Variants in PAK5 observed in about 807,000 individuals in gnomAD.
PAK5 encodes p21 (RAC1) activated kinase 5.
Under a neutral mutation model 65.9 loss-of-function variants are expected in PAK5, and 16 were observed. The observed-to-expected ratio is 0.24, with a 90% CI of 0.16 to 0.37. The LOEUF is 0.37. Among genes scored for constraint, PAK5 ranks in the 10% least tolerant of loss-of-function variants. The pLI, the probability that PAK5 is intolerant of heterozygous loss-of-function variation, is 1.00. For missense variants in PAK5, 785 were observed against 903.9 expected, an observed-to-expected ratio of 0.87 and a Z score of 1.69; for synonymous variants, 371 against 354.9, an observed-to-expected ratio of 1.05 and a Z score of -0.51.
intron 1 of PAK5, among the ~76,000 whole-genome samples, chr20:9,798,650 T>A (rs958269694): frequency 3.3e-5 from 5 of 152,090 alleles, no homozygotes; most frequent in Admixed American, 2.0e-4. Flanking sequence ...TTGCAGACAA[T>A]GGAAAAAGTA....
At chr20:9,817,059 A>T (rs1230698838) in intron 1 of PAK5, among the ~76,000 whole-genome samples, 2 of 152,282 alleles carry the variant, frequency 1.3e-5, no homozygotes, top group East Asian at 1.9e-4. Context: ...AGGCAGGAGG[A>T]TCACTTGAGC....
chr20:9,681,091 A>T (rs2123402545), intron 2 of PAK5, among the ~76,000 whole-genome samples: 1 of 152,304 alleles, frequency 6.6e-6, no homozygotes, highest in African/African-American at 2.4e-5. Context: ...AGATATTAAG[A>T]ATCGTTATAT....
chr20:9,631,378 A>AC (rs1171044855), intron 3 of PAK5, among the ~76,000 whole-genome samples: 26 of 152,314 alleles, frequency 1.7e-4, no homozygotes, highest in Middle Eastern at 3.4e-3. Flanking sequence ...CTGATGGGAT[A>AC]TCACTTCTGT....
Position 9,837,254 on chromosome 20 carries a change from T to C in PAK5, c.-162+1508A>G, listed in dbSNP as rs562817541. On this transcript the variant is annotated intron_variant, in intron 1 of 9. Transcript: ENST00000353224. ...CACATATGTATTCCAAGTCAAGGTA[T>C]TATCAGATTGGACATTTATGGCTTT... Among the ~76,000 whole-genome samples, 3 of 152,346 alleles carry C rather than the reference T, an allele frequency of 2.0e-5. No homozygotes were observed. The East Asian group carries it at 5.8e-4, about 29-fold the overall frequency.
intron 1 of PAK5, among the ~76,000 whole-genome samples, chr20:9,791,592 G>C (rs974508911): frequency 6.6e-6 from 1 of 152,096 alleles, no homozygotes. Flanking sequence ...CATCAGGCTG[G>C]ATTTGGACCT....
At chr20:9,751,286 T>C (rs1194113880) in intron 1 of PAK5, among the ~76,000 whole-genome samples, 1 of 152,124 alleles carries the variant, frequency 6.6e-6, no homozygotes, top group Non-Finnish European at 1.5e-5. Flanking sequence ...CTTTGCAATA[T>C]TCAAATTCCT....
chr20:9,738,862 G>A (rs1004157716), intron 1 of PAK5, among the ~76,000 whole-genome samples: 2 of 148,988 alleles, frequency 1.3e-5, no homozygotes, highest in African/African-American at 4.9e-5. Context: ...ATGCAATAAT[G>A]CTGTTCATTT....
chr20:9,542,417 A>G (rs192460322), intron 9 of PAK5, among the ~76,000 whole-genome samples, 169 bp downstream of exon 9: 2 of 152,372 alleles, frequency 1.3e-5, no homozygotes, highest in African/African-American at 4.8e-5. Flanking sequence ...TCACTTGCCC[A>G]GTAAACGAAT....
At chr20:9,828,528 G>GTGTGAATT (rs1291441066) in intron 1 of PAK5, among the ~76,000 whole-genome samples, 2 of 152,230 alleles carry the variant, frequency 1.3e-5, no homozygotes, top group East Asian at 3.9e-4. Flanking sequence ...AACAAATAAA[G>GTGTGAATT]TGTGAATTTT....
chr20:9,820,330 C>T (rs2049404945), intron 1 of PAK5, among the ~76,000 whole-genome samples: 1 of 152,260 alleles, frequency 6.6e-6, no homozygotes, highest in African/African-American at 2.4e-5. Flanking sequence ...CCCCTATATG[C>T]AGAAGGCCTC....
At position 9,596,424 on chromosome 20, in the gene PAK5, C is replaced by T. The variant is rs576348438; in HGVS notation, c.205-15494G>A. Among the ~76,000 whole-genome samples, 43 of 152,166 alleles carry T rather than the reference C, an allele frequency of 2.8e-4. 2 individuals are homozygous for T. The South Asian group carries it at 6.0e-3, about 21-fold the overall frequency. ...GGCCGAGGCGGGCGGATCACAAGGTCAGGAGATCAAGACCATCCTGGCTAA... is the reference window on the plus strand; with the variant it reads ...GGCCGAGGCGGGCGGATCACAAGGTTAGGAGATCAAGACCATCCTGGCTAA... On this transcript the variant is annotated intron_variant, in intron 3 of 9. Transcript: ENST00000353224.
At chr20:9,557,416 GC>G (rs1223159965) in intron 7 of PAK5, among the ~76,000 whole-genome samples, 191 bp downstream of exon 7, 7 of 152,138 alleles carry the variant, frequency 4.6e-5, no homozygotes, top group Admixed American at 4.6e-4. Context: ...TCAAAGTCAG[GC>G]AATTCTGACT....
chr20:9,638,261 T>C (rs1201442265), intron 3 of PAK5, among the ~76,000 whole-genome samples: 1 of 152,238 alleles, frequency 6.6e-6, no homozygotes, highest in East Asian at 1.9e-4. Flanking sequence ...GAAATGACAT[T>C]AGATATAAAA....
Position 9,557,596 on chromosome 20 carries a change from T to C in PAK5, c.1743+12A>G. 1 of 1,604,208 alleles carries C rather than the reference T, an allele frequency of 6.2e-7. No individual in the cohort carries two copies. Among genetic ancestry groups the C allele is most frequent in the Non-Finnish European group, 8.5e-7 (1 of 1,175,600 alleles). ...AGAAAAACTACGAACGGGCCAAACA[T>C]GAACATCTTACCCGGCCATCGCTTG... On this transcript the variant is annotated intron_variant, in intron 7 of 9. Transcript: ENST00000353224.
chr20:9,830,642 A>C (rs1049855181), intron 1 of PAK5, among the ~76,000 whole-genome samples: 2 of 152,170 alleles, frequency 1.3e-5, no homozygotes, highest in African/African-American at 4.8e-5. Flanking sequence ...TACCTGAGAA[A>C]ATGGGACCTT....
chr20:9,582,176 A>G (rs2045990734), intron 3 of PAK5, among the ~76,000 whole-genome samples: 1 of 152,152 alleles, frequency 6.6e-6, no homozygotes, highest in Non-Finnish European at 1.5e-5. Context: ...AATATCTTGC[A>G]TTGCTATTAA....
At chr20:9,578,584 A>G (rs2045926310) in intron 4 of PAK5, among the ~76,000 whole-genome samples, 3 of 152,254 alleles carry the variant, frequency 2.0e-5, no homozygotes, top group East Asian at 1.9e-4. Flanking sequence ...AAAATCTTAG[A>G]TAAAAAAATA....
intron 6 of PAK5, among the ~76,000 whole-genome samples, chr20:9,558,242 G>A (rs1027895466): frequency 1.3e-5 from 2 of 151,802 alleles, no homozygotes; most frequent in African/African-American, 4.8e-5. Flanking sequence ...CTCCCACGTA[G>A]CTGGGACTAC....
chr20:9,829,325 G>A (rs868415500), intron 1 of PAK5, among the ~76,000 whole-genome samples: 21 of 152,132 alleles, frequency 1.4e-4, no homozygotes, highest in African/African-American at 3.6e-4. Flanking sequence ...TTAAATTATC[G>A]GAGGTTCAAG....
Sources: gnomAD v4.1 joint callset for allele counts (sites outside exome capture counted in the v4.1 genomes callset) on GRCh38, gnomAD v4.1.1 for gene constraint, MANE v1.5 for transcripts, NCBI Gene and HGNC (gene_info 2026-07-23, HGNC 2026-07-21) for gene names.